KCNK10: variants seen among roughly 807,000 people sequenced by gnomAD.
The protein encoded by KCNK10 is potassium channel subfamily K member 10.
In KCNK10, 25 loss-of-function variants were observed where a neutral mutation model predicts 47.7. That is an observed-to-expected ratio of 0.52 (90% CI 0.38 to 0.73). KCNK10 has a LOEUF of 0.73. KCNK10 is among the 30% of genes least tolerant of loss of function. KCNK10 has a pLI of 0.00. For synonymous variants in KCNK10, 303 were observed against 285.6 expected (o/e 1.06, Z -0.61); for missense variants, 563 against 714.5 (o/e 0.79, Z 2.42).
intron 4 of KCNK10, among the ~76,000 whole-genome samples, chr14:88,207,815 G>A (rs1276777064): frequency 1.3e-5 from 2 of 152,122 alleles, no homozygotes; most frequent in East Asian, 1.9e-4. Context: ...AATACAGTGA[G>A]ATGAATGTTA....
At chr14:88,214,499 A>T (rs1164643587) in intron 4 of KCNK10, among the ~76,000 whole-genome samples, 1 of 152,234 alleles carries the variant, frequency 6.6e-6, no homozygotes, top group South Asian at 2.1e-4. Flanking sequence ...TTGGTACAGT[A>T]TAGGCCCCTC....
intron 2 of KCNK10, among the ~76,000 whole-genome samples, chr14:88,262,263 T>C (rs925867004): frequency 1.1e-4 from 16 of 152,198 alleles, no homozygotes; most frequent in African/African-American, 3.1e-4. Context: ...CCACTCTTTG[T>C]AGTTCAGGAG....
At chr14:88,262,465 T>G (rs1488910209) in intron 2 of KCNK10, among the ~76,000 whole-genome samples, 3 of 152,182 alleles carry the variant, frequency 2.0e-5, no homozygotes, top group Admixed American at 6.5e-5. Context: ...CAGATGACTC[T>G]CTGGCTTTCC....
At position 88,295,682 on chromosome 14, in the gene KCNK10, A is replaced by T. The variant is rs572089095; in HGVS notation, c.52+27065T>A. Among the ~76,000 whole-genome samples the T allele has an allele frequency of 2.2e-4, 34 of 152,032 alleles. No individual in the cohort carries two copies. The South Asian group carries it at 6.9e-3, about 31-fold the overall frequency. ...CTCAAAATAAATAAATTAATTAACT[A>T]ATTTATTTATTTATTTATTTCCTTG... On this transcript the variant is annotated intron_variant, in intron 1 of 6. Coordinates refer to ENST00000319231, the MANE Select transcript of KCNK10 (RefSeq NM_138317.3).
At chr14:88,259,055 T>C (rs982534061) in intron 2 of KCNK10, among the ~76,000 whole-genome samples, 9 of 152,234 alleles carry the variant, frequency 5.9e-5, no homozygotes, top group African/African-American at 2.2e-4. Flanking sequence ...TGAGATACAA[T>C]AGTACTATCT....
chr14:88,307,629 G>A (rs1264670016), intron 1 of KCNK10, among the ~76,000 whole-genome samples: 1 of 152,074 alleles, frequency 6.6e-6, no homozygotes, highest in South Asian at 2.1e-4. Flanking sequence ...TCTTAATAAA[G>A]CTCTTATTTT....
At chr14:88,197,857 A>AGG (rs1455525918) in intron 4 of KCNK10, among the ~76,000 whole-genome samples, 25 of 101,770 alleles carry the variant, frequency 2.5e-4, no homozygotes, top group East Asian at 8.2e-4. Flanking sequence ...GAAGGAGGGA[A>AGG]GGGAGAGAGA....
chr14:88,278,033 T>C (rs1887564122), intron 1 of KCNK10, among the ~76,000 whole-genome samples: 1 of 152,204 alleles, frequency 6.6e-6, no homozygotes, highest in Non-Finnish European at 1.5e-5. Flanking sequence ...GAGGGCCTAT[T>C]GTGCTTCAGG....
At chr14:88,304,750 T>C (rs1170836384) in intron 1 of KCNK10, among the ~76,000 whole-genome samples, 3 of 152,206 alleles carry the variant, frequency 2.0e-5, no homozygotes, top group Non-Finnish European at 2.9e-5. Flanking sequence ...GCGAGGTGCC[T>C]TATGGAGAAA....
At chr14:88,292,426 T>A (rs1004335203) in intron 1 of KCNK10, among the ~76,000 whole-genome samples, 1 of 152,074 alleles carries the variant, frequency 6.6e-6, no homozygotes, top group Non-Finnish European at 1.5e-5. Context: ...CTCGGCTCAA[T>A]ATAAACTCTG....
chr14:88,261,174 C>T (rs1008133927), intron 2 of KCNK10, among the ~76,000 whole-genome samples: 15 of 152,190 alleles, frequency 9.9e-5, no homozygotes, highest in African/African-American at 3.4e-4. Context: ...GAAAAGGTAA[C>T]ACAGTGCATT....
At chr14:88,229,105 C>T (rs1886078309) in intron 3 of KCNK10, among the ~76,000 whole-genome samples, 1 of 152,180 alleles carries the variant, frequency 6.6e-6, no homozygotes, top group Admixed American at 6.5e-5. Context: ...GACTGTCTCA[C>T]AATAGCCTAA....
chr14:88,208,046 A>G (rs1885338271), intron 4 of KCNK10, among the ~76,000 whole-genome samples: 1 of 152,208 alleles, frequency 6.6e-6, no homozygotes, highest in Admixed American at 6.5e-5. Flanking sequence ...TGAAGCAGAG[A>G]TTTCTCCCCA....
intron 4 of KCNK10, among the ~76,000 whole-genome samples, chr14:88,207,069 T>C (rs1885297274): frequency 6.6e-6 from 1 of 152,094 alleles, no homozygotes; most frequent in African/African-American, 2.4e-5. Flanking sequence ...TACAGACCCA[T>C]CTTTTATTCA....
intron 1 of KCNK10, among the ~76,000 whole-genome samples, chr14:88,309,399 C>T (rs957007773): frequency 2.0e-5 from 3 of 152,004 alleles, no homozygotes; most frequent in South Asian, 2.1e-4. Context: ...CTCAGGAGTT[C>T]GAGACCAGCC....
chr14:88,188,183 T>C (rs1884634813), intron 5 of KCNK10, 74 bp from the exon 6 acceptor site: 2 of 1,499,022 alleles, frequency 1.3e-6, no homozygotes, highest in South Asian at 2.3e-5. Flanking sequence ...TTCCATTCCA[T>C]GTAGTGAAGA....
At chr14:88,191,930 A>G (rs1400299174) in intron 5 of KCNK10, among the ~76,000 whole-genome samples, 1 of 152,190 alleles carries the variant, frequency 6.6e-6, no homozygotes, top group African/African-American at 2.4e-5. Context: ...TTCAATTCAG[A>G]AGTTCAAGAT....
rs1886887623 is a variant in KCNK10 at position 88,254,402 on chromosome 14, C to T, written c.402+8800G>A. On this transcript the variant is annotated intron_variant, in intron 2 of 6. Transcript: ENST00000319231. ...AACCCACTCCCGTGAAATGCTATTC[C>T]CTTCAGCGAGGCTATGACCAGAAGA... Among the ~76,000 whole-genome samples, 6 of 152,124 alleles carry T rather than the reference C, an allele frequency of 3.9e-5. No individual in the cohort carries two copies. In the South Asian group the frequency reaches 1.2e-3, roughly 32 times the overall value.
At chr14:88,288,650 T>C (rs1887818004) in intron 1 of KCNK10, among the ~76,000 whole-genome samples, 1 of 152,158 alleles carries the variant, frequency 6.6e-6, no homozygotes, top group South Asian at 2.1e-4. Context: ...TCCAAACTCC[T>C]GTCCTTAGAT....
Sources: allele counts gnomAD v4.1 joint callset (sites outside exome capture counted in the v4.1 genomes callset), GRCh38; gene constraint gnomAD v4.1.1; transcripts MANE v1.5; gene names NCBI Gene and HGNC (gene_info 2026-07-23, HGNC 2026-07-21).